Variants in VPS29 observed in about 807,000 individuals in gnomAD.
VPS29 encodes vacuolar protein sorting-associated protein 29.
Under a neutral mutation model 20.0 loss-of-function variants are expected in VPS29, and 2 were observed. That is an observed-to-expected ratio of 0.10 (90% CI 0.04 to 0.31). VPS29 has a LOEUF of 0.31. Among genes scored for constraint, VPS29 ranks in the 10% least tolerant of loss-of-function variants. The pLI is 1.00. For synonymous variants in VPS29, 81 were observed against 79.3 expected, an observed-to-expected ratio of 1.02 and a Z score of -0.12; for missense variants, 120 against 215.3, an observed-to-expected ratio of 0.56 and a Z score of 2.77.
At chr12:110,492,174 C>T in intron 3 of VPS29, 52 bp from the exon 4 acceptor site, 2 of 1,344,306 alleles carry the variant, frequency 1.5e-6, no homozygotes, top group Non-Finnish European at 1.0e-6. Context: ...AGCAGCAGCA[C>T]TATAAATTTC....
At position 110,496,063 on chromosome 12, in the gene VPS29, A is replaced by G; in HGVS notation, c.144T>C (p.Tyr48=). The G allele has an allele frequency of 6.2e-7, 1 of 1,610,404 alleles. No homozygotes were observed. The highest frequency in any genetic ancestry group is 1.1e-5 in the South Asian group (1 of 90,850). The change falls in exon 2 of 4, where the codon TAT becomes TAC. Residue 48 remains tyrosine (Y), a synonymous_variant. Transcript: ENST00000549578. The part of the protein sequence containing the change: ...GNLCTKESYD[Y]LKTLAGDVHI... ...GAACATCACCAGCCAGAGTCTTGAG[A>G]TAGTCATAACTCTCTTTGGTGCAAA...
chr12:110,492,197 C>T, intron 3 of VPS29, 75 bp from the exon 4 acceptor site: 1 of 1,145,582 alleles, frequency 8.7e-7, no homozygotes, highest in Non-Finnish European at 1.3e-6. Context: ...TTTAAGATGA[C>T]TATTTGGATT....
chr12:110,501,766 C>T, intron 1 of VPS29: 2 of 1,073,902 alleles, frequency 1.9e-6, no homozygotes, highest in Non-Finnish European at 2.8e-6. Flanking sequence ...CTCGGGCGTG[C>T]GTGTCTCGTG....
intron 1 of VPS29, among the ~76,000 whole-genome samples, chr12:110,497,496 C>A (rs907630812): frequency 7.9e-5 from 12 of 151,904 alleles, no homozygotes; most frequent in Non-Finnish European, 1.2e-4. Context: ...GGATTACAGG[C>A]ATGAGTCACC....
chr12:110,500,747 A>G (rs1251397210), intron 1 of VPS29, among the ~76,000 whole-genome samples: 11 of 147,964 alleles, frequency 7.4e-5, no homozygotes, highest in Non-Finnish European at 1.6e-4. Context: ...CATTTCAAAC[A>G]ATTGATTTTT....
rs772576839 is a variant in VPS29, at chr12:110,502,084, C to G, written c.-33G>C. 2.5e-6 allele frequency: 4 copies of G among 1,605,204 alleles called. No individual in the cohort carries two copies. The highest frequency in any genetic ancestry group is 3.4e-6 in the Non-Finnish European group (4 of 1,175,272). Reference sequence around the variant, plus strand: ...CCGGGCTCCGCTCAGTCACCACCACCGTCGCCGCCCTCTTCCTCAGGCTCC... The same window carrying G: ...CCGGGCTCCGCTCAGTCACCACCACGGTCGCCGCCCTCTTCCTCAGGCTCC... On this transcript the variant is annotated 5_prime_UTR_variant, in exon 1 of 4. Transcript: ENST00000549578.
intron 1 of VPS29, among the ~76,000 whole-genome samples, chr12:110,497,220 T>C (rs1318722476): frequency 8.7e-4 from 116 of 133,386 alleles, no homozygotes; most frequent in African/African-American, 2.9e-3. Context: ...TTTTTTTTTT[T>C]TTTTTTTTTT....
At chr12:110,492,583 G>GT (rs978595091) in intron 3 of VPS29, among the ~76,000 whole-genome samples, 14 of 146,744 alleles carry the variant, frequency 9.5e-5, no homozygotes, top group African/African-American at 3.3e-4. Flanking sequence ...AAAAAAAAAA[G>GT]TCACATTTAT....
In VPS29 at chr12:110,493,039, T is replaced by C. The variant is rs755064480; in HGVS notation, c.388A>G (p.Ile130Val). ...GCCCCAGTGGCAGAACCTGGATTAA[T>C]GTAGAATTTATTTTCATGCTCAAAT... ...EAFEHENKFY[I>V]NPGSATGAYN... The change falls in exon 3 of 4, where the codon ATT becomes GTT. Residue 130 changes from isoleucine (I) to valine (V), a missense_variant. Transcript: ENST00000549578. 2 of 1,613,808 alleles carry C rather than the reference T, an allele frequency of 1.2e-6. No individual in the cohort carries two copies. Among genetic ancestry groups the C allele is most frequent in the South Asian group, 2.2e-5 (2 of 90,994 alleles).
At chr12:110,496,307 A>C (rs2062905590) in intron 1 of VPS29, 104 bp from the exon 2 acceptor site, 1 of 983,540 alleles carries the variant, frequency 1.0e-6, no homozygotes, top group African/African-American at 1.6e-5. Flanking sequence ...GAGATCCCGA[A>C]TCCCAGAAAT....
intron 2 of VPS29, among the ~76,000 whole-genome samples, chr12:110,493,804 T>C (rs571080437): frequency 3.7e-4 from 56 of 152,356 alleles, no homozygotes; most frequent in South Asian, 1.4e-3. Flanking sequence ...CTTTTGCGCA[T>C]GCTGTAAATA....
rs758410190 is a variant in VPS29, at chr12:110,502,105, G to C, written c.-54C>G. The C allele has an allele frequency of 4.4e-6, 7 of 1,588,086 alleles. No homozygotes were observed. The African/African-American group carries it at 9.4e-5, about 21-fold the overall frequency. ...CCACCGTCGCCGCCCTCTTCCTCAG[G>C]CTCCTCGGCGACCCGCCCACTTAAC... On this transcript the variant is annotated 5_prime_UTR_variant, in exon 1 of 4. Coordinates refer to ENST00000549578, the MANE Select transcript of VPS29 (RefSeq NM_016226.5).
chr12:110,493,334 T>C (rs1009957518), intron 2 of VPS29, 103 bp from the exon 3 acceptor site: 2 of 808,098 alleles, frequency 2.5e-6, no homozygotes, highest in Non-Finnish European at 3.6e-6. Flanking sequence ...TGTTTTGATG[T>C]AGTACCCCAC....
At chr12:110,501,174 T>C (rs910942363) in intron 1 of VPS29, among the ~76,000 whole-genome samples, 3 of 152,008 alleles carry the variant, frequency 2.0e-5, no homozygotes, top group African/African-American at 2.4e-5. Flanking sequence ...CGAGACTCCA[T>C]CTCAAAAAGA....
At chr12:110,493,351 C>A in intron 2 of VPS29, 120 bp from the exon 3 acceptor site, 1 of 628,054 alleles carries the variant, frequency 1.6e-6, no homozygotes, top group Non-Finnish European at 2.4e-6. Flanking sequence ...CCACAACACA[C>A]ACATTTATAC....
intron 1 of VPS29, chr12:110,501,544 G>A (rs2063044536): frequency 6.5e-7 from 1 of 1,535,380 alleles, no homozygotes; most frequent in Non-Finnish European, 8.7e-7. Flanking sequence ...CGAGGAGGGT[G>A]GTTTATTCCC....
intron 2 of VPS29, among the ~76,000 whole-genome samples, chr12:110,495,409 A>G (rs2062889036): frequency 6.6e-6 from 1 of 152,212 alleles, no homozygotes; most frequent in African/African-American, 2.4e-5. Flanking sequence ...AAAAGTTCAT[A>G]ATAAAAACTT....
At chr12:110,492,265 GATTT>G in intron 3 of VPS29, 143 bp from the exon 4 acceptor site, 1 of 690,580 alleles carries the variant, frequency 1.4e-6, no homozygotes, top group Admixed American at 2.7e-5. Flanking sequence ...AAAATGGCTA[GATTT>G]ATTTAAATGG....
chr12:110,500,752 ATTT>A (rs60375403), intron 1 of VPS29, among the ~76,000 whole-genome samples: 6 of 144,876 alleles, frequency 4.1e-5, no homozygotes, highest in South Asian at 2.2e-4. Flanking sequence ...CAAACAATTG[ATTT>A]TTTTTTTTTT....
Sources: allele counts gnomAD v4.1 joint callset (sites outside exome capture counted in the v4.1 genomes callset), GRCh38; gene constraint gnomAD v4.1.1; transcripts MANE v1.5; gene names NCBI Gene and HGNC (gene_info 2026-07-23, HGNC 2026-07-21).